Variants in ROBO2 observed in about 807,000 individuals in gnomAD.
The protein encoded by ROBO2 is roundabout guidance receptor 2, also known as roundabout homolog 2.
In ROBO2, 53 loss-of-function variants were observed where a neutral mutation model predicts 160.8. That is an observed-to-expected ratio of 0.33 (90% CI 0.26 to 0.41). The LOEUF is 0.41. Ranked by LOEUF, ROBO2 falls within the 10% of genes least tolerant of loss-of-function variation. The pLI, the probability that ROBO2 is intolerant of heterozygous loss-of-function variation, is 1.00. For synonymous variants in ROBO2, 664 were observed against 611.7 expected, an observed-to-expected ratio of 1.09 and a Z score of -1.26; for missense variants, 1,577 against 1,722.4, an observed-to-expected ratio of 0.92 and a Z score of 1.49.
At chr3:76,234,666 GT>G (rs1445392697) in intron 2 of ROBO2, among the ~76,000 whole-genome samples, 2 of 152,054 alleles carry the variant, frequency 1.3e-5, no homozygotes, top group Admixed American at 6.5e-5. Flanking sequence ...GTCATACACT[GT>G]TTTTAAACAA....
At chr3:76,876,490 C>T (rs764002275) in intron 2 of ROBO2, among the ~76,000 whole-genome samples, 1 of 152,078 alleles carries the variant, frequency 6.6e-6, no homozygotes, top group Non-Finnish European at 1.5e-5. Flanking sequence ...GCCTGGCTAA[C>T]ATGATAAAAC....
chr3:76,177,694 T>A (rs1434918384), intron 2 of ROBO2, among the ~76,000 whole-genome samples: 1 of 152,182 alleles, frequency 6.6e-6, no homozygotes, highest in Non-Finnish European at 1.5e-5. Flanking sequence ...AAAGTCAGTC[T>A]ATTTCTTTTA....
chr3:76,841,589 T>A (rs577457930), intron 2 of ROBO2, among the ~76,000 whole-genome samples: 1 of 152,304 alleles, frequency 6.6e-6, no homozygotes, highest in African/African-American at 2.4e-5. Flanking sequence ...AAATCCAATT[T>A]CATTAGTTTT....
intron 2 of ROBO2, among the ~76,000 whole-genome samples, chr3:76,651,183 T>C (rs529924533): frequency 6.6e-6 from 1 of 152,278 alleles, no homozygotes; most frequent in East Asian, 1.9e-4. Context: ...TCTGTATCTG[T>C]CCATCTCTCA....
chr3:77,219,963 TG>T (rs952863878), intron 2 of ROBO2, among the ~76,000 whole-genome samples: 4 of 151,726 alleles, frequency 2.6e-5, no homozygotes, highest in African/African-American at 9.7e-5. Flanking sequence ...CAATAGAATT[TG>T]TTCAGAACAT....
chr3:77,412,844 C>T (rs1004745002), intron 2 of ROBO2, among the ~76,000 whole-genome samples: 4 of 152,190 alleles, frequency 2.6e-5, no homozygotes, highest in Non-Finnish European at 5.9e-5. Flanking sequence ...TCCTTTCCTA[C>T]CCTAGCTAAT....
intron 2 of ROBO2, among the ~76,000 whole-genome samples, chr3:76,569,280 G>A (rs2084806979): frequency 1.3e-5 from 2 of 152,044 alleles, no homozygotes; most frequent in Non-Finnish European, 1.5e-5. Flanking sequence ...TATACTAGAT[G>A]TTATAGAACA....
intron 2 of ROBO2, among the ~76,000 whole-genome samples, chr3:76,290,006 GT>G (rs971600487): frequency 3.3e-5 from 5 of 151,768 alleles, no homozygotes; most frequent in South Asian, 2.1e-4. Flanking sequence ...TTTTAGAATA[GT>G]TTTTTTTCCC....
At chr3:77,087,299 AC>A (rs1379609513) in intron 1 of ROBO2, among the ~76,000 whole-genome samples, 6 of 152,174 alleles carry the variant, frequency 3.9e-5, no homozygotes, top group Non-Finnish European at 8.8e-5. Flanking sequence ...TCATTGCATC[AC>A]CTTTTGTAAA....
At chr3:76,615,495 T>C (rs915818385) in intron 2 of ROBO2, among the ~76,000 whole-genome samples, 1 of 152,164 alleles carries the variant, frequency 6.6e-6, no homozygotes, top group African/African-American at 2.4e-5. Flanking sequence ...CAAGATAGTA[T>C]TTGTTCTAAA....
intron 2 of ROBO2, among the ~76,000 whole-genome samples, chr3:76,249,468 T>C (rs964760535): frequency 3.9e-5 from 6 of 152,160 alleles, no homozygotes; most frequent in Non-Finnish European, 8.8e-5. Context: ...AGCCAGATTC[T>C]ATCTTTAATA....
intron 6 of ROBO2, among the ~76,000 whole-genome samples, chr3:77,542,654 A>G (rs1452859296): frequency 2.0e-5 from 3 of 152,204 alleles, no homozygotes; most frequent in African/African-American, 7.2e-5. Context: ...AGATTATACC[A>G]TCAGTGGTAA....
chr3:77,539,017 A>G, intron 6 of ROBO2: 1 of 375,212 alleles, frequency 2.7e-6, no homozygotes, highest in East Asian at 7.6e-5. Context: ...TCCCGGGTTC[A>G]AGCAATTCTC....
chr3:77,202,719 C>T (rs1338923441), intron 2 of ROBO2, among the ~76,000 whole-genome samples: 1 of 152,134 alleles, frequency 6.6e-6, no homozygotes, highest in Non-Finnish European at 1.5e-5. Flanking sequence ...CCTTCTTCCT[C>T]ACATTCTTCT....
intron 2 of ROBO2, among the ~76,000 whole-genome samples, chr3:76,164,989 C>T (rs2072772829): frequency 6.6e-6 from 1 of 152,108 alleles, no homozygotes; most frequent in African/African-American, 2.4e-5. Context: ...GCATAGTCTC[C>T]TTAGAAACAG....
intron 2 of ROBO2, among the ~76,000 whole-genome samples, chr3:76,124,067 GT>G (rs1302654017): frequency 6.6e-6 from 1 of 151,362 alleles, no homozygotes; most frequent in African/African-American, 2.4e-5. Flanking sequence ...GAGTTTTTTT[GT>G]TTTAAAAAAA....
At chr3:76,220,089 A>T (rs1575949870) in intron 2 of ROBO2, among the ~76,000 whole-genome samples, 1 of 150,558 alleles carries the variant, frequency 6.6e-6, no homozygotes, top group African/African-American at 2.4e-5. Flanking sequence ...AAAAAACCAA[A>T]CACCGCATGT....
intron 2 of ROBO2, among the ~76,000 whole-genome samples, chr3:76,802,337 G>A (rs2064263879): frequency 6.6e-6 from 1 of 152,182 alleles, no homozygotes; most frequent in East Asian, 1.9e-4. Flanking sequence ...ATGGTACATT[G>A]TCTTGAAAAT....
At chr3:76,830,699 G>GGGCAC (rs79752329) in intron 2 of ROBO2, among the ~76,000 whole-genome samples, 19,049 of 151,540 alleles carry the variant, frequency 0.13, 1,334 homozygotes, top group East Asian at 0.24. Flanking sequence ...CCTAGGGGCT[G>GGGCAC]GGCACGGTGG....
Sources: allele counts gnomAD v4.1 joint callset (sites outside exome capture counted in the v4.1 genomes callset), GRCh38; gene constraint gnomAD v4.1.1; transcripts MANE v1.5; gene names NCBI Gene and HGNC (gene_info 2026-07-23, HGNC 2026-07-21).